The following CPT1A variants were observed in gnomAD, a reference collection of about 807,000 sequenced individuals.
CPT1A encodes the protein carnitine palmitoyltransferase 1A.
Under a neutral mutation model 100.8 loss-of-function variants are expected in CPT1A, and 64 were observed. The ratio of observed to expected loss-of-function variants is 0.63; its 90% CI spans 0.52 to 0.78. The LOEUF (loss-of-function observed/expected upper bound fraction) is 0.78. Ranked by LOEUF, CPT1A falls within the 30% of genes least tolerant of loss-of-function variation. The probability of loss-of-function intolerance (pLI) is 0.00; values close to 1 mark genes in which losing one functional copy is unlikely to be tolerated. For missense variants in CPT1A, 802 were observed against 1,034.1 expected (o/e 0.78, Z 3.08); for synonymous variants, 363 against 396.0 (o/e 0.92, Z 0.99).
chr11:68,794,670 C>A lies in CPT1A; in HGVS notation c.879+134G>T. 3.7e-6 allele frequency: 3 copies of A among 802,400 alleles called. No homozygotes were observed. The South Asian group carries it at 4.3e-5, about 12-fold the overall frequency. 49.7% of individuals were successfully genotyped at this position (802,400 alleles called of 1,614,324 possible). A position where few individuals can be genotyped will look rare whatever the true frequency, so the allele number is the denominator to read the frequency against. The stretch of plus-strand genomic sequence containing the variant: ...AGATGATCCGCCTGCTTTGGCCTCC[C>A]AAAGTGCCAAGATTACAGGCGTGAG... On this transcript the variant is annotated intron_variant, in intron 8 of 18. Transcript: ENST00000265641.
At chr11:68,820,300 G>A (rs911580402) in intron 1 of CPT1A, among the ~76,000 whole-genome samples, 2 of 151,742 alleles carry the variant, frequency 1.3e-5, no homozygotes, top group Non-Finnish European at 2.9e-5. Flanking sequence ...CCAAAGTACC[G>A]GGATTACAGG....
intron 10 of CPT1A, among the ~76,000 whole-genome samples, chr11:68,782,564 G>A (rs904430001): frequency 5.3e-5 from 8 of 152,158 alleles, no homozygotes; most frequent in South Asian, 2.1e-4. Flanking sequence ...GGAGGTCTCC[G>A]TGCCCGTCTT....
chr11:68,786,928 T>C (rs1302784483), intron 9 of CPT1A, among the ~76,000 whole-genome samples: 1 of 152,222 alleles, frequency 6.6e-6, no homozygotes, highest in Non-Finnish European at 1.5e-5. Context: ...CAAACGGCAT[T>C]TGAAGCCTTC....
intron 9 of CPT1A, among the ~76,000 whole-genome samples, chr11:68,787,017 C>A (rs1855481876): frequency 6.6e-6 from 1 of 151,898 alleles, no homozygotes. Context: ...GCTGGCCGGG[C>A]AATAAAATAA....
Position 68,754,883 on chromosome 11 carries a change from T to C in CPT1A, c.*2761A>G, listed in dbSNP as rs200989143. 2.3e-5 allele frequency: 18 copies of C among 780,316 alleles called. No individual in the cohort carries two copies. The highest frequency in any genetic ancestry group is 4.8e-6 in the Non-Finnish European group (2 of 417,666). 48.3% of individuals were successfully genotyped at this position (780,316 alleles called of 1,614,324 possible). ...ATAACAAAAGAGACAGAAACAAATCTTGTAGTAGACTGGGGTTAATGTTTT... is the reference window on the plus strand; with the variant it reads ...ATAACAAAAGAGACAGAAACAAATCCTGTAGTAGACTGGGGTTAATGTTTT... On this transcript the variant is annotated 3_prime_UTR_variant, in exon 19 of 19. Coordinates refer to ENST00000265641, the MANE Select transcript of CPT1A (RefSeq NM_001876.4).
chr11:68,757,841 A>C lies in CPT1A; in HGVS notation c.2236-111T>G, dbSNP rs971030714. 3 of 922,100 alleles carry C rather than the reference A, an allele frequency of 3.3e-6. No homozygotes were observed. In the Admixed American group the frequency reaches 5.7e-5, roughly 17 times the overall value. The allele number at this position is 922,100 out of a possible 1,614,324, so 57.1% of individuals were successfully genotyped here. On this transcript the variant is annotated intron_variant, in intron 18 of 18. Coordinates refer to ENST00000265641, the MANE Select transcript of CPT1A (RefSeq NM_001876.4). ...TGTTTCATTGAAATTCCTTTCTGCC[A>C]GTTCTCTAAGATCTGACCAACGTCT...
chr11:68,763,443 G>A (rs1854688926), intron 14 of CPT1A, among the ~76,000 whole-genome samples: 1 of 152,146 alleles, frequency 6.6e-6, no homozygotes, highest in African/African-American at 2.4e-5. Context: ...ACAACGTATT[G>A]CCTGGAGCAA....
intron 1 of CPT1A, among the ~76,000 whole-genome samples, chr11:68,830,465 TG>T (rs1377813525): frequency 6.6e-6 from 1 of 152,192 alleles, no homozygotes; most frequent in Non-Finnish European, 1.5e-5. Context: ...GACTCATCAC[TG>T]AGGTCTGTGC....
chr11:68,784,732 C>A (rs1277845329), intron 10 of CPT1A, 83 bp downstream of exon 10: 26 of 1,372,826 alleles, frequency 1.9e-5, no homozygotes, highest in Non-Finnish European at 2.6e-5. Flanking sequence ...AGGATTCCCA[C>A]AGGCCCTGGT....
At chr11:68,828,897 C>T (rs1186371477) in intron 1 of CPT1A, among the ~76,000 whole-genome samples, 1 of 152,178 alleles carries the variant, frequency 6.6e-6, no homozygotes, top group African/African-American at 2.4e-5. Flanking sequence ...CCATCTGCTG[C>T]TGCCTTGGGC....
At position 68,804,078 on chromosome 11, in the gene CPT1A, G is replaced by T. The variant is rs895684720; in HGVS notation, c.477C>A (p.Gly159=). 4 of 1,613,810 alleles carry T rather than the reference G, an allele frequency of 2.5e-6. No individual in the cohort carries two copies. Among genetic ancestry groups the T allele is most frequent in the Admixed American group, 1.7e-5 (1 of 59,986 alleles). The change falls in exon 5 of 19, where the codon GGC becomes GGA. Residue 159 remains glycine, a synonymous_variant. Coordinates refer to ENST00000265641, the MANE Select transcript of CPT1A (RefSeq NM_001876.4). ...IWMGMVKIFS[G]RKPMLYSFQT... ...GGAAGCTGTACAACATGGGTTTTCG[G>T]CCTGAAAAGATCTTGACCATACCCT...
intron 9 of CPT1A, chr11:68,785,913 T>TC: frequency 1.6e-6 from 1 of 640,176 alleles, no homozygotes; most frequent in South Asian, 1.7e-5. Flanking sequence ...TAATTTAAGC[T>TC]CCTCAGTAAG....
chr11:68,775,735 A>C (rs920349087), intron 12 of CPT1A, among the ~76,000 whole-genome samples: 1 of 152,238 alleles, frequency 6.6e-6, no homozygotes, highest in Non-Finnish European at 1.5e-5. Context: ...GGTTGGAACC[A>C]CTGTAGCATC....
chr11:68,841,745 C>T lies in CPT1A; in HGVS notation c.-14+30G>A. ...CGCAGCCCGCAGGGCCGCCCCGCCA[C>T]CCTCCCCACCGCGGGCGACCGGGCC... On this transcript the variant is annotated intron_variant, in intron 1 of 18. Coordinates refer to ENST00000265641, the MANE Select transcript of CPT1A (RefSeq NM_001876.4). This position sits in a 1 kb window ranked among gnomAD's most constrained non-coding sequence, Gnocchi z 6.3. 2 of 971,030 alleles carry T rather than the reference C, an allele frequency of 2.1e-6. No individual in the cohort carries two copies. The highest frequency in any genetic ancestry group is 2.4e-6 in the Non-Finnish European group (2 of 816,774). 60.2% of individuals were successfully genotyped at this position (971,030 alleles called of 1,614,324 possible).
rs202122808 is a variant in CPT1A, at chr11:68,773,251, C to T, written c.1740+14G>A. 36 of 1,613,622 alleles carry T rather than the reference C, an allele frequency of 2.2e-5. No homozygotes were observed. The East Asian group carries it at 5.3e-4, about 24-fold the overall frequency. ...AAAGTGCTCACGACAAAACCCTAGGCGGTCAGTTCTTACCTTGTAGTGCGC... is the reference window on the plus strand; with the variant it reads ...AAAGTGCTCACGACAAAACCCTAGGTGGTCAGTTCTTACCTTGTAGTGCGC... On this transcript the variant is annotated intron_variant, in intron 14 of 18. Transcript: ENST00000265641.
At chr11:68,837,642 G>A (rs927027041) in intron 1 of CPT1A, among the ~76,000 whole-genome samples, 4 of 152,114 alleles carry the variant, frequency 2.6e-5, no homozygotes, top group African/African-American at 9.7e-5. Flanking sequence ...GAATAACAGT[G>A]CCCCTCGTCA....
intron 5 of CPT1A, among the ~76,000 whole-genome samples, chr11:68,801,677 A>AG (rs1478450235): frequency 1.3e-5 from 2 of 149,318 alleles, no homozygotes; most frequent in Admixed American, 6.6e-5. Context: ...CAAGGCCAAC[A>AG]GGGACTCAGT....
Position 68,812,510 on chromosome 11 carries a change from T to C in CPT1A, c.208A>G (p.Met70Val), listed in dbSNP as rs762602538. The C allele has an allele frequency of 5.0e-6, 8 of 1,614,166 alleles. No homozygotes were observed. The South Asian group carries it at 8.8e-5, about 18-fold the overall frequency. Residue 70 changes from methionine to valine, a missense_variant, in exon 3 of 19, where the codon ATG becomes GTG. By Grantham distance (21) the Met-to-Val change is conservative. Transcript: ENST00000265641. Reference sequence around the variant, plus strand: ...TCGATCTTGGCGTACATCGTTGTCATCACGCCCACCACCACGATAAGCCAA... The same window carrying C: ...TCGATCTTGGCGTACATCGTTGTCACCACGCCCACCACCACGATAAGCCAA... Reference protein sequence around the residue: ...SSWLIVVVGVMTTMYAKIDPS... With the variant: ...SSWLIVVVGVVTTMYAKIDPS...
chr11:68,768,883 A>AGCT (rs1158087268), intron 14 of CPT1A, among the ~76,000 whole-genome samples: 3 of 152,090 alleles, frequency 2.0e-5, no homozygotes, highest in African/African-American at 7.2e-5. Flanking sequence ...AACTATTCCC[A>AGCT]GCTGCTCTAT....
Sources: allele counts gnomAD v4.1 joint callset (sites outside exome capture counted in the v4.1 genomes callset), GRCh38; gene constraint gnomAD v4.1.1; non-coding constraint Gnocchi (gnomAD v3.1); transcripts MANE v1.5; gene names NCBI Gene and HGNC (gene_info 2026-07-23, HGNC 2026-07-21).